IRAK4: variants seen among roughly 807,000 people sequenced by gnomAD.
IRAK4 encodes interleukin-1 receptor-associated kinase 4.
In IRAK4, 44 loss-of-function variants were observed where a neutral mutation model predicts 51.8. The ratio of observed to expected loss-of-function variants is 0.85; its 90% CI spans 0.67 to 1.09. The LOEUF (loss-of-function observed/expected upper bound fraction) is 1.09, where lower values mean the gene tolerates loss of function less well. IRAK4 is among the 50% of genes least tolerant of loss of function. IRAK4 has a pLI of 0.00. For synonymous variants in IRAK4, 149 were observed against 174.1 expected (o/e 0.86, Z 1.13); for missense variants, 487 against 538.0 (o/e 0.91, Z 0.94).
chr12:43,777,738 T>G lies in IRAK4; in HGVS notation c.825T>G (p.Ser275=). The change falls in exon 7 of 12, where the codon TCT becomes TCG. Residue 275 remains serine, a synonymous_variant. Transcript: ENST00000613694. ...ATGGTTCATTGCTAGACAGACTCTC[T>G]TGCTTGGTAAGCTATTTGTTCATCA... is the stretch of plus-strand genomic sequence containing the variant. ...MPNGSLLDRL[S]CLDGTPPLSW... is the part of the protein sequence containing the mutation. 1 of 1,608,830 alleles carries G rather than the reference T, an allele frequency of 6.2e-7. No individual in the cohort carries two copies. The highest frequency in any genetic ancestry group is 8.5e-7 in the Non-Finnish European group (1 of 1,175,434).
At chr12:43,766,042 C>T (rs1399695905) in intron 1 of IRAK4, among the ~76,000 whole-genome samples, 2 of 152,130 alleles carry the variant, frequency 1.3e-5, no homozygotes, top group African/African-American at 4.8e-5. Context: ...AATATACATC[C>T]CTTTGATTTT....
chr12:43,767,400 T>C (rs1012263106), intron 1 of IRAK4, among the ~76,000 whole-genome samples: 3 of 152,226 alleles, frequency 2.0e-5, no homozygotes, highest in African/African-American at 7.2e-5. Context: ...GATTTATCCC[T>C]GGCTGCAGCT....
intron 1 of IRAK4, among the ~76,000 whole-genome samples, chr12:43,766,628 C>T (rs1348647244): frequency 6.6e-6 from 1 of 152,078 alleles, no homozygotes; most frequent in African/African-American, 2.4e-5. Flanking sequence ...ATGGCATGAA[C>T]AATGCATTGT....
intron 6 of IRAK4, among the ~76,000 whole-genome samples, chr12:43,776,031 G>A (rs1303053505): frequency 2.0e-5 from 3 of 151,784 alleles, no homozygotes; most frequent in African/African-American, 4.8e-5. Flanking sequence ...ACAGGCGACC[G>A]TCACCATGCC....
intron 8 of IRAK4, among the ~76,000 whole-genome samples, chr12:43,780,527 C>T (rs1416554295): frequency 6.6e-6 from 1 of 151,090 alleles, no homozygotes; most frequent in Non-Finnish European, 1.5e-5. Context: ...TGGATTGGTA[C>T]TTTCTTGTGT....
At chr12:43,786,159 G>A (rs950458067) in intron 10 of IRAK4, among the ~76,000 whole-genome samples, 4 of 151,256 alleles carry the variant, frequency 2.6e-5, no homozygotes, top group Admixed American at 6.6e-5. Context: ...AGCCTTCCAA[G>A]TAGCTAAGAT....
intron 9 of IRAK4, among the ~76,000 whole-genome samples, chr12:43,783,201 A>G (rs544797990): frequency 1.3e-5 from 2 of 152,306 alleles, no homozygotes; most frequent in Admixed American, 1.3e-4. Context: ...TTCCACTTTA[A>G]TATCTAAAAG....
intron 6 of IRAK4, 127 bp from the exon 7 acceptor site, chr12:43,777,503 G>A (rs970409438): frequency 4.0e-6 from 3 of 755,360 alleles, no homozygotes; most frequent in African/African-American, 1.8e-5. Context: ...TAAACATCAA[G>A]TTAGAAATAA....
intron 6 of IRAK4, among the ~76,000 whole-genome samples, chr12:43,774,368 C>T (rs1247300160): frequency 1.3e-5 from 2 of 152,142 alleles, no homozygotes; most frequent in African/African-American, 4.8e-5. Context: ...CCTCAGCCTC[C>T]CGAGTAGCTG....
At chr12:43,776,488 G>T (rs4251493) in intron 6 of IRAK4, among the ~76,000 whole-genome samples, 10,539 of 152,278 alleles carry the variant, frequency 0.069, 388 homozygotes, top group Middle Eastern at 0.14. Context: ...TGAACTGCTA[G>T]AATTGTGGAT....
rs982184489 is a variant in IRAK4, at chr12:43,768,378, C to T, written c.161+106C>T. On this transcript the variant is annotated intron_variant, in intron 2 of 11. Transcript: ENST00000613694. ...TGGCAGTTTAGAAAGTAAACCTCTC[C>T]ACTATGGAGGAGACATTGGTAGTAG... 2.4e-5 allele frequency: 19 copies of T among 802,114 alleles called. No homozygotes were observed. In the African/African-American group the frequency reaches 2.8e-4, roughly 12 times the overall value. 49.7% of individuals were successfully genotyped at this position (802,114 alleles called of 1,614,324 possible). A position where few individuals can be genotyped will look rare whatever the true frequency, so the allele number is the denominator to read the frequency against.
chr12:43,772,560 A>C (rs1438920363), intron 4 of IRAK4, among the ~76,000 whole-genome samples, 198 bp downstream of exon 4: 1 of 152,218 alleles, frequency 6.6e-6, no homozygotes, highest in Non-Finnish European at 1.5e-5. Flanking sequence ...TAGGACATGC[A>C]AACAACCAGA....
At position 43,768,123 on chromosome 12, in the gene IRAK4, C is replaced by G. The variant is rs1287416995; in HGVS notation, c.12C>G (p.Pro4=). 3.7e-6 allele frequency: 6 copies of G among 1,613,236 alleles called. No individual in the cohort carries two copies. Among genetic ancestry groups the G allele is most frequent in the Non-Finnish European group, 5.1e-6 (6 of 1,179,610 alleles). MNK[P]ITPSTYVRCL... ...TTTAGGAATAGAAGATGAACAAACCCATAACACCATCAACATATGTGCGCT... is the reference window on the plus strand; with the variant it reads ...TTTAGGAATAGAAGATGAACAAACCGATAACACCATCAACATATGTGCGCT... The change falls in exon 2 of 12, where the codon CCC becomes CCG. Residue 4 remains proline (P), a synonymous_variant. Coordinates refer to ENST00000613694, the MANE Select transcript of IRAK4 (RefSeq NM_016123.4).
At chr12:43,785,474 A>G (rs958882369) in intron 10 of IRAK4, among the ~76,000 whole-genome samples, 1 of 152,046 alleles carries the variant, frequency 6.6e-6, no homozygotes, top group East Asian at 1.9e-4. Context: ...CAAGAAGCAG[A>G]CCACCCTGTG....
rs2137999821 is a variant in IRAK4, at chr12:43,777,697, T to C, written c.784T>C (p.Tyr262His). The C allele has an allele frequency of 1.2e-6, 2 of 1,613,426 alleles. No individual in the cohort carries two copies. Among genetic ancestry groups the C allele is most frequent in the Non-Finnish European group, 1.7e-6 (2 of 1,179,596 alleles). ...SSDGDDLCLV[Y>H]VYMPNGSLLD... ...TGATGGAGATGACCTCTGCTTAGTA[T>C]ATGTTTACATGCCTAATGGTTCATT... Residue 262 changes from tyrosine to histidine, a missense_variant, in exon 7 of 12, where the codon TAT becomes CAT. Physicochemically the swap from Tyr to His is moderately conservative, Grantham distance 83. Coordinates refer to ENST00000613694, the MANE Select transcript of IRAK4 (RefSeq NM_016123.4).
chr12:43,776,789 G>A (rs1228809537), intron 6 of IRAK4, among the ~76,000 whole-genome samples: 1 of 152,162 alleles, frequency 6.6e-6, no homozygotes, highest in African/African-American at 2.4e-5. Flanking sequence ...TTATTAGATT[G>A]TAGGTCTCTT....
intron 10 of IRAK4, among the ~76,000 whole-genome samples, chr12:43,785,144 T>C (rs1942096455): frequency 6.6e-6 from 1 of 152,148 alleles, no homozygotes; most frequent in Non-Finnish European, 1.5e-5. Flanking sequence ...CCTCCAGGAT[T>C]AGCCATAATC....
intron 2 of IRAK4, among the ~76,000 whole-genome samples, chr12:43,770,003 G>A (rs1940582632): frequency 6.6e-6 from 1 of 152,118 alleles, no homozygotes; most frequent in Non-Finnish European, 1.5e-5. Flanking sequence ...CCCAGATATG[G>A]CACAATTTTA....
chr12:43,786,775 C>A lies in IRAK4; in HGVS notation c.*60C>A, dbSNP rs1942250084. 5 of 1,413,034 alleles carry A rather than the reference C, an allele frequency of 3.5e-6. No homozygotes were observed. The Admixed American group carries it at 6.9e-5, about 20-fold the overall frequency. The allele number at this position is 1,413,034 out of a possible 1,614,324, so 87.5% of individuals were successfully genotyped here. On this transcript the variant is annotated 3_prime_UTR_variant, in exon 12 of 12. Transcript: ENST00000613694. ...ACACCTATCTCAACCATTTTTTTAACTGATTTTTTTCCTAAATATTCTTCT... is the reference window on the plus strand; with the variant it reads ...ACACCTATCTCAACCATTTTTTTAAATGATTTTTTTCCTAAATATTCTTCT...
Sources: gnomAD v4.1 joint callset for allele counts (sites outside exome capture counted in the v4.1 genomes callset) on GRCh38, gnomAD v4.1.1 for gene constraint, MANE v1.5 for transcripts, NCBI Gene and HGNC (gene_info 2026-07-23, HGNC 2026-07-21) for gene names.